The following SPAG16 variants were observed in gnomAD, a reference collection of about 807,000 sequenced individuals.
SPAG16 encodes sperm-associated antigen 16 protein.
In SPAG16, 86 loss-of-function variants were observed where a neutral mutation model predicts 80.4. That is an observed-to-expected ratio of 1.07 (90% CI 0.90 to 1.28). SPAG16 has a LOEUF of 1.28. SPAG16 is among the 50% of genes most tolerant of loss of function. SPAG16 has a pLI of 0.00. For missense variants in SPAG16, 870 were observed against 765.3 expected (o/e 1.14, Z -1.61); for synonymous variants, 294 against 265.9 (o/e 1.11, Z -1.03).
At chr2:213,689,428 T>G (rs1214459949) in intron 10 of SPAG16, among the ~76,000 whole-genome samples, 4 of 152,068 alleles carry the variant, frequency 2.6e-5, no homozygotes, top group African/African-American at 9.7e-5. Context: ...TTTTATTCTA[T>G]ATTCTTTAGA....
chr2:214,353,486 G>T (rs1486818256), intron 15 of SPAG16, among the ~76,000 whole-genome samples: 1 of 152,148 alleles, frequency 6.6e-6, no homozygotes. Flanking sequence ...ATCTGCAAGA[G>T]ATGTAGCAAT....
At chr2:213,818,404 C>A (rs541722397) in intron 10 of SPAG16, among the ~76,000 whole-genome samples, 1 of 152,244 alleles carries the variant, frequency 6.6e-6, no homozygotes, top group South Asian at 2.1e-4. Context: ...AAATCATTTA[C>A]TTCCCCTGTA....
chr2:213,452,894 TATTA>T (rs1185412253), intron 9 of SPAG16, among the ~76,000 whole-genome samples: 2 of 151,266 alleles, frequency 1.3e-5, no homozygotes, highest in African/African-American at 4.8e-5. Flanking sequence ...TGTTTCTTAT[TATTA>T]ATTAACAAAC....
chr2:213,490,260 T>G (rs1207666293), intron 10 of SPAG16, among the ~76,000 whole-genome samples, 170 bp downstream of exon 10: 1 of 152,170 alleles, frequency 6.6e-6, no homozygotes, highest in East Asian at 1.9e-4. Flanking sequence ...TTAAAAGTAA[T>G]TGGTTTAAGC....
chr2:214,340,254 T>C (rs1057089639), intron 15 of SPAG16, among the ~76,000 whole-genome samples: 19 of 152,168 alleles, frequency 1.2e-4, no homozygotes, highest in African/African-American at 3.9e-4. Flanking sequence ...TTACTCCACA[T>C]TCACAGCATA....
At chr2:213,495,494 C>CA (rs1430895683) in intron 10 of SPAG16, among the ~76,000 whole-genome samples, 1 of 152,066 alleles carries the variant, frequency 6.6e-6, no homozygotes, top group Non-Finnish European at 1.5e-5. Flanking sequence ...CTCATTCACA[C>CA]AAAAAAATGT....
intron 14 of SPAG16, among the ~76,000 whole-genome samples, chr2:214,148,711 G>T (rs553421484): frequency 6.6e-6 from 1 of 151,806 alleles, no homozygotes; most frequent in African/African-American, 2.4e-5. Context: ...TATGCATGTG[G>T]TATAATTTTC....
rs371327710 is a variant in SPAG16 at position 213,585,946 on chromosome 2, T to C, written c.1070+95856T>C. Among the ~76,000 whole-genome samples the C allele has an allele frequency of 1.6e-3, 240 of 152,272 alleles. 1 individual carries two copies. Among genetic ancestry groups the C allele is most frequent in the African/African-American group, 4.8e-3 (199 of 41,556 alleles). ...TATTACCCTCCTCCTTCTTTTTTTT[T>C]CCAAATGAAAGCATTTAATCTAATC... On this transcript the variant is annotated intron_variant, in intron 10 of 15. Transcript: ENST00000331683.
At chr2:213,708,305 T>C (rs1201807967) in intron 10 of SPAG16, among the ~76,000 whole-genome samples, 3 of 152,218 alleles carry the variant, frequency 2.0e-5, no homozygotes, top group Non-Finnish European at 4.4e-5. Context: ...CAGATCACTA[T>C]TGACAATAAA....
At chr2:213,922,892 A>G (rs759925635) in intron 11 of SPAG16, among the ~76,000 whole-genome samples, 1 of 152,130 alleles carries the variant, frequency 6.6e-6, no homozygotes, top group Non-Finnish European at 1.5e-5. Context: ...TGCGGTTGAC[A>G]GACAAGCTGT....
At chr2:214,142,088 C>G (rs112261019) in intron 14 of SPAG16, among the ~76,000 whole-genome samples, 8 of 152,096 alleles carry the variant, frequency 5.3e-5, no homozygotes, top group Middle Eastern at 3.4e-3. Flanking sequence ...CTTTCAATCT[C>G]TGTGTCTACA....
chr2:213,542,782 TG>T (rs893550641), intron 10 of SPAG16, among the ~76,000 whole-genome samples: 1 of 152,152 alleles, frequency 6.6e-6, no homozygotes, highest in African/African-American at 2.4e-5. Context: ...TTTTTTAGTT[TG>T]CTCAATGCTA....
chr2:213,934,229 TTA>T (rs1228073909), intron 12 of SPAG16, among the ~76,000 whole-genome samples: 5 of 152,348 alleles, frequency 3.3e-5, no homozygotes, highest in South Asian at 4.1e-4. Flanking sequence ...CTAGTGATGC[TTA>T]TATGTTTCCC....
At chr2:214,329,752 A>G (rs1696762775) in intron 15 of SPAG16, among the ~76,000 whole-genome samples, 1 of 152,186 alleles carries the variant, frequency 6.6e-6, no homozygotes, top group Non-Finnish European at 1.5e-5. Flanking sequence ...CTTCCCAAGT[A>G]CTTTCCCTAG....
intron 13 of SPAG16, among the ~76,000 whole-genome samples, chr2:214,049,781 C>T (rs967255287): frequency 6.6e-6 from 1 of 152,138 alleles, no homozygotes; most frequent in African/African-American, 2.4e-5. Flanking sequence ...AGGATGGCAG[C>T]ACTAGGCCAA....
chr2:213,491,266 A>C lies in SPAG16; in HGVS notation c.1070+1176A>C, dbSNP rs141034655. Among the ~76,000 whole-genome samples the C allele has an allele frequency of 3.3e-5, 5 of 152,284 alleles. No individual in the cohort carries two copies. In the East Asian group the frequency reaches 9.6e-4, roughly 29 times the overall value. ...TGATGTAAGGTCGTGACTTTTTCTT[A>C]TATGTCTATCGTTTGGAATTCTACA... On this transcript the variant is annotated intron_variant, in intron 10 of 15. Coordinates refer to ENST00000331683, the MANE Select transcript of SPAG16 (RefSeq NM_024532.5).
chr2:213,370,833 A>G (rs2066589674), intron 8 of SPAG16, among the ~76,000 whole-genome samples: 1 of 152,190 alleles, frequency 6.6e-6, no homozygotes, highest in Admixed American at 6.5e-5. Context: ...TTAAACTTGT[A>G]TTTGATCTGT....
intron 12 of SPAG16, among the ~76,000 whole-genome samples, chr2:213,939,824 G>A (rs996249554): frequency 1.3e-5 from 2 of 152,104 alleles, no homozygotes; most frequent in Admixed American, 1.3e-4. Flanking sequence ...AACAAATAGA[G>A]ATAATATACA....
intron 15 of SPAG16, among the ~76,000 whole-genome samples, chr2:214,371,895 G>GAA (rs1559250623): frequency 5.9e-5 from 9 of 151,838 alleles, no homozygotes; most frequent in Non-Finnish European, 1.3e-4. Flanking sequence ...TGGCCAGGCT[G>GAA]GTCTCCAACT....
Sources: allele counts gnomAD v4.1 joint callset (sites outside exome capture counted in the v4.1 genomes callset), GRCh38; gene constraint gnomAD v4.1.1; transcripts MANE v1.5; gene names NCBI Gene and HGNC (gene_info 2026-07-23, HGNC 2026-07-21).